Variants in TBC1D5 observed in about 807,000 individuals in gnomAD.
TBC1D5 encodes TBC1 domain family, member 5.
Under a neutral mutation model 100.3 loss-of-function variants are expected in TBC1D5, and 75 were observed. That is an observed-to-expected ratio of 0.75 (90% CI 0.62 to 0.91). The LOEUF is 0.91. Among genes scored for constraint, TBC1D5 ranks in the 40% least tolerant of loss-of-function variants. TBC1D5 has a pLI of 0.00. For missense variants in TBC1D5, 910 were observed against 942.4 expected (o/e 0.97, Z 0.45); for synonymous variants, 323 against 325.6 (o/e 0.99, Z 0.09).
chr3:17,403,156 G>GA, intron 8 of TBC1D5, 25 bp downstream of exon 8: 1 of 1,535,090 alleles, frequency 6.5e-7, no homozygotes, highest in Non-Finnish European at 8.8e-7. Flanking sequence ...ATTATTGAAA[G>GA]TAACATGTAA....
chr3:17,183,692 C>A (rs1381566971), intron 19 of TBC1D5, among the ~76,000 whole-genome samples: 1 of 152,192 alleles, frequency 6.6e-6, no homozygotes, highest in Non-Finnish European at 1.5e-5. Context: ...CACTGTCAGG[C>A]AGCCAGCCAC....
intron 13 of TBC1D5, among the ~76,000 whole-genome samples, chr3:17,352,060 C>T (rs2090664453): frequency 6.6e-6 from 1 of 151,062 alleles, no homozygotes; most frequent in Non-Finnish European, 1.5e-5. Context: ...GAAGCAGCCA[C>T]CCCATGAACC....
intron 4 of TBC1D5, among the ~76,000 whole-genome samples, chr3:17,421,759 T>C (rs1335970348): frequency 1.3e-5 from 2 of 152,232 alleles, no homozygotes; most frequent in East Asian, 3.8e-4. Flanking sequence ...GAGAGGTTAA[T>C]TACTTTGCCT....
intron 18 of TBC1D5, among the ~76,000 whole-genome samples, chr3:17,212,425 C>T (rs1025205464): frequency 3.9e-5 from 6 of 152,056 alleles, no homozygotes; most frequent in East Asian, 1.9e-4. Flanking sequence ...TAATAATAAT[C>T]GACTGTGTTA....
At chr3:17,512,523 C>T (rs1463454271) in intron 2 of TBC1D5, among the ~76,000 whole-genome samples, 3 of 152,168 alleles carry the variant, frequency 2.0e-5, no homozygotes, top group East Asian at 1.9e-4. Flanking sequence ...TACTTAAATC[C>T]ATAATTGATA....
chr3:17,421,637 A>G (rs1029396829), intron 4 of TBC1D5, among the ~76,000 whole-genome samples: 1 of 152,222 alleles, frequency 6.6e-6, no homozygotes, highest in Non-Finnish European at 1.5e-5. Context: ...GTTACCTACT[A>G]TGTTTTCATG....
At chr3:17,275,636 A>G (rs572090565) in intron 15 of TBC1D5, among the ~76,000 whole-genome samples, 1 of 152,218 alleles carries the variant, frequency 6.6e-6, no homozygotes, top group Non-Finnish European at 1.5e-5. Flanking sequence ...ATATATATCT[A>G]ACAAAAGAAG....
At chr3:17,528,540 G>A (rs550561589) in intron 2 of TBC1D5, among the ~76,000 whole-genome samples, 10 of 152,176 alleles carry the variant, frequency 6.6e-5, no homozygotes, top group African/African-American at 2.2e-4. Flanking sequence ...TCCAGTCTCT[G>A]GTATTTAGTC....
intron 1 of TBC1D5, among the ~76,000 whole-genome samples, chr3:17,692,832 GATA>G (rs1480354276): frequency 6.6e-6 from 1 of 152,118 alleles, no homozygotes; most frequent in Non-Finnish European, 1.5e-5. Context: ...ATTATAAAAG[GATA>G]TAAACGAATA....
rs532162612 is a variant in TBC1D5, at chr3:17,221,584, T to C, written c.1589-7214A>G. On this transcript the variant is annotated intron_variant, in intron 17 of 21. Transcript: ENST00000253692. Reference sequence around the variant, plus strand: ...CAAACATGAGAAGGGCTTGACCTGGTGTTGCTGGCCTTAAGGATGGAGAAA... The same window carrying C: ...CAAACATGAGAAGGGCTTGACCTGGCGTTGCTGGCCTTAAGGATGGAGAAA... Among the ~76,000 whole-genome samples, 7 of 152,254 alleles carry C rather than the reference T, an allele frequency of 4.6e-5. No homozygotes were observed. The South Asian group carries it at 1.5e-3, about 32-fold the overall frequency.
At chr3:17,549,794 G>C (rs2096456509) in intron 2 of TBC1D5, among the ~76,000 whole-genome samples, 2 of 152,036 alleles carry the variant, frequency 1.3e-5, no homozygotes, top group Non-Finnish European at 2.9e-5. Context: ...AGCTGGGTGT[G>C]TAGTGCATGC....
intron 3 of TBC1D5, among the ~76,000 whole-genome samples, chr3:17,490,742 T>C (rs1372397416): frequency 6.6e-6 from 1 of 152,222 alleles, no homozygotes; most frequent in Non-Finnish European, 1.5e-5. Flanking sequence ...TGAAGTCGGG[T>C]AGCATGATGC....
Position 17,541,900 on chromosome 3 carries a change from C to T in TBC1D5, c.-35-33295G>A, listed in dbSNP as rs571822831. Among the ~76,000 whole-genome samples, 31 of 152,336 alleles carry T rather than the reference C, an allele frequency of 2.0e-4. No individual in the cohort carries two copies. The East Asian group carries it at 6.0e-3, about 29-fold the overall frequency. On this transcript the variant is annotated intron_variant, in intron 2 of 21. Transcript: ENST00000253692. ...CATGGATAAAACCAAACCCTACACA[C>T]ACTATGGTTTTTCCTATATGTACAC...
chr3:17,167,023 A>G, intron 20 of TBC1D5, 95 bp from the exon 22 acceptor site: 1 of 1,161,484 alleles, frequency 8.6e-7, no homozygotes. Flanking sequence ...TAGCCTTGTC[A>G]TCAATCATTT....
chr3:17,697,211 C>G (rs2072260591), intron 1 of TBC1D5, among the ~76,000 whole-genome samples: 1 of 152,196 alleles, frequency 6.6e-6, no homozygotes, highest in Non-Finnish European at 1.5e-5. Context: ...AGGATGCCCT[C>G]TCTCACCACT....
intron 1 of TBC1D5, among the ~76,000 whole-genome samples, chr3:17,663,656 T>C (rs997646911): frequency 6.6e-6 from 1 of 152,132 alleles, no homozygotes. Context: ...AAGAGACTTG[T>C]AATTACCCTT....
chr3:17,488,420 A>T (rs1167069807), intron 3 of TBC1D5, among the ~76,000 whole-genome samples: 1 of 152,216 alleles, frequency 6.6e-6, no homozygotes, highest in East Asian at 1.9e-4. Context: ...GCAATTATAA[A>T]TAAAGCTGTT....
intron 4 of TBC1D5, among the ~76,000 whole-genome samples, chr3:17,408,532 C>A (rs1043666287): frequency 7.2e-5 from 11 of 152,008 alleles, no homozygotes; most frequent in African/African-American, 2.4e-4. Flanking sequence ...CTATGTTGCC[C>A]AGATTGGTCT....
At chr3:17,319,165 C>T (rs1317192381) in intron 13 of TBC1D5, among the ~76,000 whole-genome samples, 1 of 152,094 alleles carries the variant, frequency 6.6e-6, no homozygotes, top group African/African-American at 2.4e-5. Flanking sequence ...TTAATCTGCT[C>T]GTAAACCAAC....
Sources: allele counts gnomAD v4.1 joint callset (sites outside exome capture counted in the v4.1 genomes callset), GRCh38; gene constraint gnomAD v4.1.1; transcripts MANE v1.5; gene names NCBI Gene and HGNC (gene_info 2026-07-23, HGNC 2026-07-21).